The following CAPRIN2 variants were observed in gnomAD, a reference collection of about 807,000 sequenced individuals.
The protein encoded by CAPRIN2 is caprin family member 2, also known as caprin-2.
Under a neutral mutation model 130.4 loss-of-function variants are expected in CAPRIN2, and 66 were observed. The ratio of observed to expected loss-of-function variants is 0.51; its 90% CI spans 0.42 to 0.62. The LOEUF (loss-of-function observed/expected upper bound fraction) is 0.62. CAPRIN2 is among the 20% of genes least tolerant of loss of function. The pLI is 0.00. For synonymous variants in CAPRIN2, 471 were observed against 444.1 expected, an observed-to-expected ratio of 1.06 and a Z score of -0.76; for missense variants, 1,185 against 1,246.6, an observed-to-expected ratio of 0.95 and a Z score of 0.74.
At chr12:30,753,403 A>C (rs2074929342) in exon 1 of CAPRIN2, 1 of 1,613,662 alleles carries the variant, frequency 6.2e-7, no homozygotes, top group Non-Finnish European at 8.5e-7. Context: ...TTTTCAATAT[A>C]GGTCTCATAC....
At chr12:30,738,288 C>G (rs1841755942) in intron 3 of CAPRIN2, among the ~76,000 whole-genome samples, 1 of 151,288 alleles carries the variant, frequency 6.6e-6, no homozygotes. Context: ...GGAGCTACCT[C>G]TAGACTACAG....
intron 2 of CAPRIN2, among the ~76,000 whole-genome samples, chr12:30,750,530 G>A (rs1034936953): frequency 4.0e-5 from 6 of 151,040 alleles, no homozygotes; most frequent in Admixed American, 6.6e-5. Flanking sequence ...AATGTTTATA[G>A]TAAGCTTTTT....
chr12:30,729,251 A>G, exon 8 of CAPRIN2: 1 of 1,611,474 alleles, frequency 6.2e-7, no homozygotes, highest in Non-Finnish European at 8.5e-7. Flanking sequence ...TTCTAGCATA[A>G]TCTGCTTCCC....
At chr12:30,729,307 T>A (rs768450364) in exon 8 of CAPRIN2, 1 of 1,565,668 alleles carries the variant, frequency 6.4e-7, no homozygotes, top group Non-Finnish European at 8.6e-7. Flanking sequence ...ACTTCTGTCA[T>A]ATAGCGTCTG....
At chr12:30,729,657 C>T (rs757919703) in intron 7 of CAPRIN2, among the ~76,000 whole-genome samples, 18 of 152,186 alleles carry the variant, frequency 1.2e-4, no homozygotes, top group Non-Finnish European at 2.4e-4. Flanking sequence ...GGACCATTCT[C>T]CCCAGTTGAC....
intron 4 of CAPRIN2, among the ~76,000 whole-genome samples, chr12:30,734,737 T>C (rs1300692733): frequency 6.6e-6 from 1 of 152,060 alleles, no homozygotes; most frequent in Non-Finnish European, 1.5e-5. Flanking sequence ...ATGAGACCAT[T>C]CACATTCACT....
chr12:30,751,016 T>G lies in CAPRIN2; in HGVS notation c.483+55A>C, dbSNP rs186263837. On this transcript the variant is annotated intron_variant, in intron 2 of 16. Coordinates refer to ENST00000298892, the Ensembl canonical transcript of CAPRIN2. ...GACTGATCGCACTAAATCCATGTAG[T>G]TTTATTAAGAAAAGAAAACCAGCAA... The G allele has an allele frequency of 2.3e-4, 303 of 1,305,032 alleles. 1 individual carries two copies. The highest frequency in any genetic ancestry group is 5.5e-5 in the Non-Finnish European group (49 of 898,462). 80.8% of individuals were successfully genotyped at this position (1,305,032 alleles called of 1,614,324 possible). A position where few individuals can be genotyped will look rare whatever the true frequency, so the allele number is the denominator to read the frequency against.
At chr12:30,709,987 A>G in exon 17 of CAPRIN2, 1 of 1,614,098 alleles carries the variant, frequency 6.2e-7, no homozygotes, top group Non-Finnish European at 8.5e-7. Flanking sequence ...ACGTAACCAT[A>G]TCTGGTCTCC....
intron 11 of CAPRIN2, 144 bp from the exon 13 acceptor site, chr12:30,721,059 A>G (rs1268873274): frequency 8.2e-6 from 5 of 609,138 alleles, no homozygotes; most frequent in African/African-American, 7.4e-5. Context: ...ACGTGTTAAT[A>G]TATTTAATCC....
chr12:30,724,338 G>C (rs771152062), intron 10 of CAPRIN2, 32 bp downstream of exon 11: 4 of 1,342,760 alleles, frequency 3.0e-6, no homozygotes, highest in Non-Finnish European at 4.3e-6. Flanking sequence ...AGCTCAAGAC[G>C]TTTGCTCCAA....
intron 3 of CAPRIN2, among the ~76,000 whole-genome samples, chr12:30,739,392 G>A (rs1324137080): frequency 6.6e-6 from 1 of 152,076 alleles, no homozygotes; most frequent in Admixed American, 6.5e-5. Flanking sequence ...AATACACACT[G>A]GAGCCACTTG....
intron 2 of CAPRIN2, 40 bp downstream of exon 3, chr12:30,751,030 GA>G (rs1565718887): frequency 6.9e-7 from 1 of 1,451,856 alleles, no homozygotes. Flanking sequence ...ATTAAGAAAA[GA>G]AAACCAGCAA....
chr12:30,716,653 C>G (rs1479473575), exon 13 of CAPRIN2: 1 of 1,613,818 alleles, frequency 6.2e-7, no homozygotes, highest in Non-Finnish European at 8.5e-7. Context: ...TTCGTGGAGG[C>G]AGAGGTGCAT....
chr12:30,720,660 A>G (rs534408313), intron 12 of CAPRIN2, 151 bp downstream of exon 13: 2 of 557,882 alleles, frequency 3.6e-6, no homozygotes, highest in Non-Finnish European at 6.5e-6. Flanking sequence ...GTTACCTGTA[A>G]AAGTTCCAAG....
intron 5 of CAPRIN2, 76 bp from the exon 7 acceptor site, chr12:30,731,586 T>A: frequency 2.5e-6 from 3 of 1,204,022 alleles, no homozygotes. Context: ...CCTAATTTTA[T>A]CCTAGTTGTA....
intron 4 of CAPRIN2, 79 bp from the exon 6 acceptor site, chr12:30,733,790 A>G: frequency 1.1e-6 from 1 of 888,750 alleles, no homozygotes; most frequent in South Asian, 1.4e-5. Context: ...ATGCAATATA[A>G]CCCATTAACA....
intron 1 of CAPRIN2, 59 bp from the exon 3 acceptor site, chr12:30,751,192 G>A (rs374301084): frequency 1.3e-5 from 17 of 1,313,184 alleles, no homozygotes; most frequent in Non-Finnish European, 1.9e-5. Flanking sequence ...AGCAAATAAA[G>A]TAAATGCCAG....
At chr12:30,731,284 C>G in intron 6 of CAPRIN2, 59 bp downstream of exon 7, 1 of 1,338,882 alleles carries the variant, frequency 7.5e-7, no homozygotes, top group Non-Finnish European at 1.1e-6. Flanking sequence ...CAATACGTGA[C>G]TCATTTGGGG....
intron 12 of CAPRIN2, 112 bp downstream of exon 13, chr12:30,720,699 T>TA: frequency 3.0e-6 from 2 of 669,740 alleles, no homozygotes. Context: ...AGCAATACAT[T>TA]AATAAAGTAT....
Sources: allele counts gnomAD v4.1 joint callset (sites outside exome capture counted in the v4.1 genomes callset), GRCh38; gene constraint gnomAD v4.1.1; transcripts MANE v1.5; gene names NCBI Gene and HGNC (gene_info 2026-07-23, HGNC 2026-07-21).